AK2: variants seen among roughly 807,000 people sequenced by gnomAD.
AK2 encodes adenylate kinase 2.
Under a neutral mutation model 24.6 loss-of-function variants are expected in AK2, and 15 were observed. The ratio of observed to expected loss-of-function variants is 0.61; its 90% CI spans 0.41 to 0.94. The LOEUF is 0.94. Among genes scored for constraint, AK2 ranks in the 40% least tolerant of loss-of-function variants. AK2 has a pLI of 0.00. For missense variants in AK2, 257 were observed against 304.1 expected (o/e 0.85, Z 1.15); for synonymous variants, 102 against 114.0 (o/e 0.90, Z 0.67).
rs1302764205 is a variant in AK2 at position 33,011,926 on chromosome 1, G to T, written c.*1255C>A. On this transcript the variant is annotated 3_prime_UTR_variant, in exon 6 of 6. Coordinates refer to ENST00000672715, the MANE Select transcript of AK2 (RefSeq NM_001625.4). ...AAAGGAGAGGGTTTGGGCTTAAAAA[G>T]AACATATCTGATTTCAGTTTTATGT... The T allele has an allele frequency of 5.2e-6, 8 of 1,533,130 alleles. No homozygotes were observed. In the Admixed American group the frequency reaches 1.4e-4, roughly 26 times the overall value. 95.0% of individuals were successfully genotyped at this position (1,533,130 alleles called of 1,614,324 possible).
Position 33,021,680 on chromosome 1 carries a change from C to T in AK2, c.243G>A (p.Glu81=). 1 of 1,613,952 alleles carries T rather than the reference C, an allele frequency of 6.2e-7. No individual in the cohort carries two copies. Among genetic ancestry groups the T allele is most frequent in the Non-Finnish European group, 8.5e-7 (1 of 1,179,820 alleles). Residue 81 remains glutamate, a synonymous_variant, in exon 3 of 6, where the codon GAG becomes GAA. Coordinates refer to ENST00000672715, the MANE Select transcript of AK2 (RefSeq NM_001625.4). The part of the protein sequence containing the change: ...GKLVSDEMVV[E]LIEKNLETPL... Reference sequence around the variant, plus strand: ...GGGTCTCCAAATTCTTCTCAATGAGCTCCACTACCATTTCATCACTCACCT... The same window carrying T: ...GGGTCTCCAAATTCTTCTCAATGAGTTCCACTACCATTTCATCACTCACCT...
chr1:33,030,283 C>T (rs969004004), intron 1 of AK2, among the ~76,000 whole-genome samples: 5 of 152,346 alleles, frequency 3.3e-5, no homozygotes, highest in Admixed American at 2.6e-4. Context: ...AAAAGCCTAA[C>T]TGGGCTGGAA....
In AK2 at chr1:33,024,519, C is replaced by T; in HGVS notation, c.142G>A (p.Asp48Asn). The T allele has an allele frequency of 1.2e-6, 2 of 1,614,166 alleles. No individual in the cohort carries two copies. The highest frequency in any genetic ancestry group is 1.1e-5 in the South Asian group (1 of 91,086). Residue 48 changes from aspartate (D) to asparagine (N), a missense_variant, in exon 2 of 6, where the codon GAC (aspartate) becomes AAC (asparagine). Transcript: ENST00000672715. ...NFCVCHLATG[D>N]MLRAMVASGS... ...GAAGCCACCATGGCCCTCAGCATGTCCCCAGTAGCTAAATGGCAGACACAG... is the reference window on the plus strand; with the variant it reads ...GAAGCCACCATGGCCCTCAGCATGTTCCCAGTAGCTAAATGGCAGACACAG...
chr1:33,021,298 G>T, intron 4 of AK2, 69 bp downstream of exon 4: 1 of 1,365,230 alleles, frequency 7.3e-7, no homozygotes, highest in Non-Finnish European at 1.0e-6. Context: ...CCGGGATTAG[G>T]CAAGAGCAAT....
chr1:33,033,235 A>G (rs753381621), intron 1 of AK2, among the ~76,000 whole-genome samples: 1 of 152,176 alleles, frequency 6.6e-6, no homozygotes, highest in Non-Finnish European at 1.5e-5. Flanking sequence ...AGGGGAACTT[A>G]TAAATTAAAA....
At chr1:33,034,821 G>A (rs1640478647) in intron 1 of AK2, among the ~76,000 whole-genome samples, 1 of 152,160 alleles carries the variant, frequency 6.6e-6, no homozygotes, top group Admixed American at 6.5e-5. Flanking sequence ...GGTCAAGGCA[G>A]GATGATCGCC....
At position 33,035,825 on chromosome 1, in the gene AK2, C is replaced by T. The variant is rs182851234; in HGVS notation, c.93+911G>A. On this transcript the variant is annotated intron_variant, in intron 1 of 5. Coordinates refer to ENST00000672715, the MANE Select transcript of AK2 (RefSeq NM_001625.4). ...TCATTTCACTAATTTGGGAAAGCCA[C>T]CTGACCTTTCTGGGCCTGTTTTTTA... Among the ~76,000 whole-genome samples the T allele has an allele frequency of 9.9e-5, 15 of 152,106 alleles. No individual in the cohort carries two copies. In the East Asian group the frequency reaches 2.9e-3, roughly 29 times the overall value.
chr1:33,010,107 G>A lies in AK2; in HGVS notation c.*3074C>T. ...GACACTTGCTCATTTATTTAAAAGA[G>A]TCCCTTCACACAGTGCAGATAAAAG... On this transcript the variant is annotated 3_prime_UTR_variant, in exon 6 of 6. Coordinates refer to ENST00000672715, the MANE Select transcript of AK2 (RefSeq NM_001625.4). 2.2e-6 allele frequency: 1 copy of A among 454,440 alleles called. No homozygotes were observed. Among genetic ancestry groups the A allele is most frequent in the South Asian group, 1.6e-5 (1 of 64,484 alleles). The allele number at this position is 454,440 out of a possible 1,614,324, so 28.2% of individuals were successfully genotyped here.
chr1:33,009,202 C>A lies in AK2; in HGVS notation c.*3979G>T, dbSNP rs1331683890. On this transcript the variant is annotated 3_prime_UTR_variant, in exon 6 of 6. Transcript: ENST00000672715. The stretch of plus-strand genomic sequence containing the variant: ...GAATAGTGGTGCTTCCAGCCCAGCT[C>A]CCTCTTGTTTTGGGAACAACAGTCA... 1 of 453,594 alleles carries A rather than the reference C, an allele frequency of 2.2e-6. No homozygotes were observed. Among genetic ancestry groups the A allele is most frequent in the Non-Finnish European group, 4.4e-6 (1 of 226,616 alleles). 28.1% of individuals were successfully genotyped at this position (453,594 alleles called of 1,614,324 possible).
In AK2 at chr1:33,012,773, T is replaced by C; in HGVS notation, c.*408A>G. The C allele has an allele frequency of 1.0e-6, 1 of 960,836 alleles. No individual in the cohort carries two copies. The highest frequency in any genetic ancestry group is 1.4e-6 in the Non-Finnish European group (1 of 690,592). The allele number at this position is 960,836 out of a possible 1,614,324, so 59.5% of individuals were successfully genotyped here. ...TCAGCCAGGTGTTGTGGCATGCACC[T>C]GTAGTCCCAGCTGCTCAGGAGGCTG... On this transcript the variant is annotated 3_prime_UTR_variant, in exon 6 of 6. Transcript: ENST00000672715.
chr1:33,008,167 A>C lies in AK2; in HGVS notation c.*5014T>G, dbSNP rs41265877. 161 of 454,174 alleles carry C rather than the reference A, an allele frequency of 3.5e-4. No individual in the cohort carries two copies. Among genetic ancestry groups the C allele is most frequent in the Admixed American group, 6.3e-4 (27 of 42,576 alleles). The allele number at this position is 454,174 out of a possible 1,614,324, so 28.1% of individuals were successfully genotyped here. ...CTCTGAATTCCATCTGTGTTTACTA[A>C]GCATCTGCTGTGTCCTGGGCAGTCC... On this transcript the variant is annotated 3_prime_UTR_variant, in exon 6 of 6. Transcript: ENST00000672715.
At chr1:33,013,695 G>A (rs956509212) in intron 5 of AK2, among the ~76,000 whole-genome samples, 5 of 152,116 alleles carry the variant, frequency 3.3e-5, no homozygotes, top group Non-Finnish European at 5.9e-5. Flanking sequence ...GTGCTCAGGC[G>A]ATTCAGCTTC....
intron 4 of AK2, among the ~76,000 whole-genome samples, chr1:33,017,549 G>A (rs1040007606): frequency 1.3e-5 from 2 of 152,134 alleles, no homozygotes; most frequent in Non-Finnish European, 2.9e-5. Flanking sequence ...CCCACACACT[G>A]CTCTTTTGCC....
In AK2 at chr1:33,034,489, TATATC is replaced by T. The variant is rs139391813; in HGVS notation, c.93+2242_93+2246del. 1.3e-4 allele frequency among the ~76,000 whole-genome samples: 17 copies of T among 130,532 alleles called. No homozygotes were observed. The East Asian group carries it at 1.8e-3, about 14-fold the overall frequency. 85.6% of individuals were successfully genotyped at this position (130,532 alleles called of 152,430 possible). A position where few individuals can be genotyped will look rare whatever the true frequency, so the allele number is the denominator to read the frequency against. On this transcript the variant is annotated intron_variant, in intron 1 of 5. Transcript: ENST00000672715. Reference sequence around the variant, plus strand: ...ACACACACACACACACACACACACATATATCATAATTTTCCAGTATCATTGTGAAT... The same window carrying T: ...ACACACACACACACACACACACACATATAATTTTCCAGTATCATTGTGAAT...
intron 5 of AK2, 185 bp downstream of exon 5, chr1:33,014,337 C>A: frequency 1.8e-6 from 1 of 545,658 alleles, no homozygotes; most frequent in Non-Finnish European, 3.4e-6. Context: ...AGCAATAAAC[C>A]ACCTGAGGAG....
In AK2 at chr1:33,028,965, C is replaced by T. The variant is rs75126482; in HGVS notation, c.94-4398G>A. Among the ~76,000 whole-genome samples, 179 of 152,238 alleles carry T rather than the reference C, an allele frequency of 1.2e-3. 2 individuals are homozygous for T. Among genetic ancestry groups the T allele is most frequent in the African/African-American group, 4.1e-3 (169 of 41,542 alleles). Reference sequence around the variant, plus strand: ...AGTGGTATAGATCTGGGTTAGGAAACGGGCTCTACCGTTTATTCACTGTGT... The same window carrying T: ...AGTGGTATAGATCTGGGTTAGGAAATGGGCTCTACCGTTTATTCACTGTGT... On this transcript the variant is annotated intron_variant, in intron 1 of 5. Transcript: ENST00000672715.
chr1:33,008,760 A>G lies in AK2; in HGVS notation c.*4421T>C. 2.2e-6 allele frequency: 1 copy of G among 454,098 alleles called. No individual in the cohort carries two copies. The allele number at this position is 454,098 out of a possible 1,614,324, so 28.1% of individuals were successfully genotyped here. A position where few individuals can be genotyped will look rare whatever the true frequency, so the allele number is the denominator to read the frequency against. On this transcript the variant is annotated 3_prime_UTR_variant, in exon 6 of 6. Transcript: ENST00000672715. ...GTTACGTGAAGTCGAGGGTTACATGAAGCCTTTGCATAATACCTGGCACAA... is the reference window on the plus strand; with the variant it reads ...GTTACGTGAAGTCGAGGGTTACATGGAGCCTTTGCATAATACCTGGCACAA...
chr1:33,016,004 G>A (rs1332504875), intron 4 of AK2, among the ~76,000 whole-genome samples: 2 of 152,070 alleles, frequency 1.3e-5, no homozygotes, highest in Non-Finnish European at 2.9e-5. Flanking sequence ...GGACAAGATG[G>A]TCCATTTGGC....
At chr1:33,031,358 AGAT>A (rs1472817373) in intron 1 of AK2, 1 of 284,272 alleles carries the variant, frequency 3.5e-6, no homozygotes, top group Non-Finnish European at 7.1e-6. Flanking sequence ...TCCTGAGGCA[AGAT>A]AAAGCCTCTG....
Sources: gnomAD v4.1 joint callset for allele counts (sites outside exome capture counted in the v4.1 genomes callset) on GRCh38, gnomAD v4.1.1 for gene constraint, MANE v1.5 for transcripts, NCBI Gene and HGNC (gene_info 2026-07-23, HGNC 2026-07-21) for gene names.